SUMF1: variants seen among roughly 807,000 people sequenced by gnomAD.
SUMF1 encodes sulfatase modifying factor 1.
Under a neutral mutation model 47.6 loss-of-function variants are expected in SUMF1, and 48 were observed. That is an observed-to-expected ratio of 1.01 (90% CI 0.80 to 1.28). SUMF1 has a LOEUF of 1.28. Ranked by LOEUF, SUMF1 falls within the 50% of genes most tolerant of loss-of-function variation. SUMF1 has a pLI of 0.00. For missense variants in SUMF1, 571 were observed against 485.4 expected, an observed-to-expected ratio of 1.18 and a Z score of -1.66; for synonymous variants, 230 against 192.1, an observed-to-expected ratio of 1.20 and a Z score of -1.63.
In SUMF1 at chr3:4,126,375, T is replaced by C. The variant is rs192029943; in HGVS notation, c.1015-57630A>G. On this transcript the variant is annotated intron_variant and NMD_transcript_variant, in intron 8 of 12. Coordinates refer to the SUMF1 transcript ENST00000448413. Reference sequence around the variant, plus strand: ...CTTTTCCTCTTTCTTCTGTTAGTGATACATCATTAGGACTTCCTTCCTTAC... The same window carrying C: ...CTTTTCCTCTTTCTTCTGTTAGTGACACATCATTAGGACTTCCTTCCTTAC... Among the ~76,000 whole-genome samples, 135 of 152,266 alleles carry C rather than the reference T, an allele frequency of 8.9e-4. 1 individual carries two copies. The highest frequency in any genetic ancestry group is 3.1e-3 in the African/African-American group (130 of 41,544).
At chr3:4,044,817 T>C (rs1187637603) in intron 9 of SUMF1, among the ~76,000 whole-genome samples, 1 of 152,268 alleles carries the variant, frequency 6.6e-6, no homozygotes, top group Non-Finnish European at 1.5e-5. Flanking sequence ...TTCTTCACTA[T>C]TCTGTTTGGA....
chr3:4,164,239 A>T (rs943734336), intron 8 of SUMF1, among the ~76,000 whole-genome samples: 1 of 152,160 alleles, frequency 6.6e-6, no homozygotes, highest in Admixed American at 6.5e-5. Context: ...CTAGGATGGT[A>T]ATGGACCTTG....
intron 8 of SUMF1, among the ~76,000 whole-genome samples, chr3:4,154,010 C>T (rs891229802): frequency 2.0e-5 from 3 of 151,480 alleles, no homozygotes; most frequent in Admixed American, 6.6e-5. Flanking sequence ...AAGAGTCAGG[C>T]AGTTGGGGCT....
At chr3:4,218,021 T>C (rs1300154649) in intron 8 of SUMF1, among the ~76,000 whole-genome samples, 2 of 151,978 alleles carry the variant, frequency 1.3e-5, no homozygotes, top group Non-Finnish European at 2.9e-5. Flanking sequence ...TTCGACATAG[T>C]GGTCACTTCT....
At position 4,181,236 on chromosome 3, in the gene SUMF1, C is replaced by A. The variant is rs148454825; in HGVS notation, c.1015-112491G>T. Among the ~76,000 whole-genome samples, 293 of 152,240 alleles carry A rather than the reference C, an allele frequency of 1.9e-3. 3 individuals carry two copies. Among genetic ancestry groups the A allele is most frequent in the African/African-American group, 6.9e-3 (288 of 41,560 alleles). The stretch of plus-strand genomic sequence containing the variant: ...TTTTCCTTCGCTCTGTTGTCAGTTA[C>A]AGCTTTTGCTCAGGGGAGCCTTCAC... On this transcript the variant is annotated intron_variant and NMD_transcript_variant, in intron 8 of 12. Transcript: ENST00000448413.
At chr3:4,231,692 C>G (rs978108879) in intron 8 of SUMF1, among the ~76,000 whole-genome samples, 1 of 152,120 alleles carries the variant, frequency 6.6e-6, no homozygotes, top group African/African-American at 2.4e-5. Flanking sequence ...CTTAATAACA[C>G]ATAGCCCTTC....
chr3:4,421,755 GAT>G (rs1400325301), intron 3 of SUMF1, among the ~76,000 whole-genome samples: 80 of 152,274 alleles, frequency 5.3e-4, no homozygotes, highest in Middle Eastern at 3.4e-3. Flanking sequence ...AAGGTGCTGG[GAT>G]TACAGGTGTA....
At chr3:4,066,864 A>G (rs1055489465) in intron 9 of SUMF1, among the ~76,000 whole-genome samples, 4 of 152,168 alleles carry the variant, frequency 2.6e-5, no homozygotes, top group African/African-American at 9.6e-5. Flanking sequence ...TACGAGCATA[A>G]GACCTAAGGT....
At chr3:4,084,997 A>T (rs624204) in intron 8 of SUMF1, among the ~76,000 whole-genome samples, 4 of 151,776 alleles carry the variant, frequency 2.6e-5, no homozygotes, top group Non-Finnish European at 4.4e-5. Context: ...GTCTTGATTC[A>T]TTTATTCAGG....
intron 8 of SUMF1, among the ~76,000 whole-genome samples, chr3:4,208,712 C>T (rs1695709552): frequency 1.3e-5 from 2 of 151,864 alleles, no homozygotes; most frequent in Admixed American, 1.3e-4. Flanking sequence ...CATTAGTAGA[C>T]TGGACGTGAC....
intron 8 of SUMF1, among the ~76,000 whole-genome samples, chr3:4,218,721 C>G (rs1574989947): frequency 6.6e-6 from 1 of 152,268 alleles, no homozygotes; most frequent in East Asian, 1.9e-4. Context: ...CTTGTAATTA[C>G]TACAGGCAAT....
At chr3:4,385,166 G>C (rs1700632312) in intron 7 of SUMF1, among the ~76,000 whole-genome samples, 1 of 152,262 alleles carries the variant, frequency 6.6e-6, no homozygotes, top group African/African-American at 2.4e-5. Flanking sequence ...GATTACAGGA[G>C]TGAGCCGCTG....
At chr3:4,205,647 C>T (rs1695634937) in intron 8 of SUMF1, among the ~76,000 whole-genome samples, 1 of 152,202 alleles carries the variant, frequency 6.6e-6, no homozygotes, top group Admixed American at 6.5e-5. Context: ...TTGGGGGCAA[C>T]CCAAGTCCAG....
In SUMF1 at chr3:4,052,221, A is replaced by T. The variant is rs552257357; in HGVS notation, c.1191+16348T>A. ...CTCCACATGATGGACGGGGCAAGGC[A>T]GCTCTCTTTGGTCTCTTTTACAAGA... On this transcript the variant is annotated intron_variant and NMD_transcript_variant, in intron 9 of 12. Transcript: ENST00000448413. Among the ~76,000 whole-genome samples the T allele has an allele frequency of 2.0e-5, 3 of 152,252 alleles. No individual in the cohort carries two copies. In the South Asian group the frequency reaches 6.2e-4, roughly 32 times the overall value.
At chr3:4,193,456 G>A (rs1057075924) in intron 8 of SUMF1, among the ~76,000 whole-genome samples, 14 of 152,052 alleles carry the variant, frequency 9.2e-5, no homozygotes, top group African/African-American at 3.4e-4. Context: ...AGGTGGACTG[G>A]GGACACCCGA....
intron 8 of SUMF1, among the ~76,000 whole-genome samples, chr3:4,141,433 G>C (rs1380662866): frequency 6.6e-6 from 1 of 152,106 alleles, no homozygotes; most frequent in Non-Finnish European, 1.5e-5. Flanking sequence ...AGGATAACTT[G>C]ACCAGCAGCA....
intron 8 of SUMF1, among the ~76,000 whole-genome samples, chr3:4,248,406 T>C (rs1696717284): frequency 6.6e-6 from 1 of 152,202 alleles, no homozygotes; most frequent in Non-Finnish European, 1.5e-5. Context: ...AAGACATCAC[T>C]TTTTTGTTTT....
chr3:4,439,057 T>C (rs1338786574), intron 3 of SUMF1, among the ~76,000 whole-genome samples: 1 of 152,150 alleles, frequency 6.6e-6, no homozygotes, highest in Non-Finnish European at 1.5e-5. Context: ...GAAGAAATGA[T>C]AATGGACATT....
intron 8 of SUMF1, among the ~76,000 whole-genome samples, chr3:4,128,614 C>T (rs972515754): frequency 2.6e-5 from 4 of 152,054 alleles, no homozygotes; most frequent in Admixed American, 1.3e-4. Flanking sequence ...ACTAAAGTAC[C>T]GACAGGCACT....
Sources: gnomAD v4.1 joint callset for allele counts (sites outside exome capture counted in the v4.1 genomes callset) on GRCh38, gnomAD v4.1.1 for gene constraint, MANE v1.5 for transcripts, NCBI Gene and HGNC (gene_info 2026-07-23, HGNC 2026-07-21) for gene names.